The following DACH2 variants were observed in gnomAD, a reference collection of about 807,000 sequenced individuals.
DACH2 encodes dachshund family transcription factor 2.
In DACH2, 17 loss-of-function variants were observed where a neutral mutation model predicts 35.8. That is an observed-to-expected ratio of 0.48 (90% CI 0.33 to 0.71). The LOEUF is 0.71. Ranked by LOEUF, DACH2 falls within the 30% of genes least tolerant of loss-of-function variation. DACH2 has a pLI of 0.02. For missense variants in DACH2, 469 were observed against 472.7 expected, an observed-to-expected ratio of 0.99 and a Z score of 0.07; for synonymous variants, 195 against 177.3, an observed-to-expected ratio of 1.10 and a Z score of -0.79.
chrX:86,224,326 T>TTGTGCCTG (rs2032776568), intron 1 of DACH2, among the ~76,000 whole-genome samples: 1 of 111,882 alleles, frequency 8.9e-6, no homozygotes. Context: ...TATTTCATTC[T>TTGTGCCTG]TGTGCCTGTG....
intron 4 of DACH2, among the ~76,000 whole-genome samples, chrX:86,656,867 A>G (rs1028824493): frequency 7.3e-5 from 7 of 96,258 alleles, no homozygotes; most frequent in African/African-American, 1.2e-4. Flanking sequence ...GTATATATAT[A>G]TATATATATA....
intron 1 of DACH2, among the ~76,000 whole-genome samples, chrX:86,198,525 G>A (rs2147899331): frequency 9.0e-6 from 1 of 110,571 alleles, no homozygotes; most frequent in South Asian, 3.8e-4. Flanking sequence ...TAGACTGCTA[G>A]CTAGACTAAT....
chrX:86,455,795 G>A (rs763345491), intron 2 of DACH2, among the ~76,000 whole-genome samples: 2 of 112,401 alleles, frequency 1.8e-5, no homozygotes, highest in Non-Finnish European at 3.8e-5. Flanking sequence ...TGGAAGTGGG[G>A]CCCACAGAAC....
At chrX:86,535,134 A>G (rs2038779353) in intron 3 of DACH2, among the ~76,000 whole-genome samples, 1 of 111,752 alleles carries the variant, frequency 8.9e-6, no homozygotes, top group African/African-American at 3.2e-5. Flanking sequence ...ATGTTTTTTT[A>G]GGCAGATGGG....
At chrX:86,309,652 G>A (rs2034758300) in intron 1 of DACH2, among the ~76,000 whole-genome samples, 1 of 111,754 alleles carries the variant, frequency 8.9e-6, no homozygotes, top group Admixed American at 9.5e-5. Flanking sequence ...AAAATTGAGG[G>A]ATAATCTACC....
chrX:86,821,421 G>A (rs994336820), intron 11 of DACH2, among the ~76,000 whole-genome samples: 1 of 111,095 alleles, frequency 9.0e-6, no homozygotes, highest in South Asian at 3.8e-4. Flanking sequence ...AATGGGAAAA[G>A]ACTCTAGCAC....
intron 1 of DACH2, among the ~76,000 whole-genome samples, chrX:86,161,997 A>G (rs1275440302): frequency 8.9e-6 from 1 of 112,368 alleles, no homozygotes; most frequent in African/African-American, 3.2e-5. Flanking sequence ...AGAGCAGCCT[A>G]AAGCTTTCAT....
At chrX:86,775,088 A>T (rs546470357) in intron 7 of DACH2, among the ~76,000 whole-genome samples, 1 of 112,084 alleles carries the variant, frequency 8.9e-6, no homozygotes, top group South Asian at 3.7e-4. Context: ...AGTGAATGTC[A>T]CAAAGCATTA....
chrX:86,475,961 G>C (rs1351726349), intron 2 of DACH2, among the ~76,000 whole-genome samples: 1 of 112,029 alleles, frequency 8.9e-6, no homozygotes, highest in Non-Finnish European at 1.9e-5. Flanking sequence ...TCATTCTGTT[G>C]ATACGATGTA....
chrX:86,718,985 T>C (rs755267220), intron 6 of DACH2, among the ~76,000 whole-genome samples: 1 of 112,339 alleles, frequency 8.9e-6, no homozygotes, highest in South Asian at 3.7e-4. Flanking sequence ...CCATATGATT[T>C]TGAGGATAGT....
chrX:86,404,533 G>C (rs1006894015), intron 2 of DACH2, among the ~76,000 whole-genome samples: 1 of 112,424 alleles, frequency 8.9e-6, no homozygotes, highest in Non-Finnish European at 1.9e-5. Context: ...AGGTTATGCT[G>C]ATGCAAGAGG....
intron 2 of DACH2, among the ~76,000 whole-genome samples, chrX:86,440,948 G>C (rs764350073): frequency 9.0e-6 from 1 of 110,963 alleles, no homozygotes; most frequent in Non-Finnish European, 1.9e-5. Flanking sequence ...TTATGTAACT[G>C]TAATGTTGTA....
At chrX:86,371,280 C>A (rs1273221919) in intron 1 of DACH2, among the ~76,000 whole-genome samples, 2 of 110,850 alleles carry the variant, frequency 1.8e-5, no homozygotes, top group Non-Finnish European at 3.8e-5. Context: ...ATCCCATATT[C>A]AATTTTTTTT....
chrX:86,256,125 A>G (rs1291504550), intron 1 of DACH2, among the ~76,000 whole-genome samples: 3 of 111,681 alleles, frequency 2.7e-5, no homozygotes, highest in Non-Finnish European at 5.6e-5. Flanking sequence ...ATATAACAAA[A>G]AACAAAACTA....
At chrX:86,348,957 C>T (rs1017167980) in intron 1 of DACH2, among the ~76,000 whole-genome samples, 2 of 111,630 alleles carry the variant, frequency 1.8e-5, no homozygotes, top group Non-Finnish European at 3.8e-5. Flanking sequence ...CTTAGAGCTC[C>T]CGAAGCCCCA....
intron 2 of DACH2, among the ~76,000 whole-genome samples, chrX:86,485,698 C>T (rs1225340358): frequency 9.0e-6 from 1 of 110,895 alleles, no homozygotes; most frequent in Non-Finnish European, 1.9e-5. Context: ...TATAGTAAAT[C>T]ACATTGCCTA....
intron 2 of DACH2, among the ~76,000 whole-genome samples, chrX:86,391,255 G>T (rs2036196425): frequency 1.2e-5 from 1 of 86,211 alleles, no homozygotes; most frequent in South Asian, 7.6e-4. Flanking sequence ...CACCACTCGG[G>T]CTGGGTGACA....
intron 2 of DACH2, among the ~76,000 whole-genome samples, chrX:86,478,668 G>T (rs1602565077): frequency 9.2e-6 from 1 of 108,528 alleles, no homozygotes; most frequent in South Asian, 4.1e-4. Flanking sequence ...CCCTCACAGG[G>T]CATGTGACAG....
chrX:86,778,672 G>A (rs756975720), intron 7 of DACH2, among the ~76,000 whole-genome samples: 112 of 111,037 alleles, frequency 1.0e-3, no homozygotes, highest in South Asian at 3.1e-3. Context: ...GTGCAGTGGC[G>A]TGATCTCAGC....
Sources: gnomAD v4.1 joint callset for allele counts (sites outside exome capture counted in the v4.1 genomes callset) on GRCh38, gnomAD v4.1.1 for gene constraint, MANE v1.5 for transcripts, NCBI Gene and HGNC (gene_info 2026-07-23, HGNC 2026-07-21) for gene names.